PPFIA2: variants seen among roughly 807,000 people sequenced by gnomAD.
PPFIA2 encodes the protein liprin-alpha-2.
In PPFIA2, 46 loss-of-function variants were observed where a neutral mutation model predicts 175.5. The observed-to-expected ratio is 0.26, with a 90% CI of 0.21 to 0.34. The LOEUF is 0.34. PPFIA2 is among the 10% of genes least tolerant of loss of function. The pLI, the probability that PPFIA2 is intolerant of heterozygous loss-of-function variation, is 1.00. For synonymous variants in PPFIA2, 568 were observed against 511.4 expected, an observed-to-expected ratio of 1.11 and a Z score of -1.49; for missense variants, 1,179 against 1,506.1, an observed-to-expected ratio of 0.78 and a Z score of 3.60.
At chr12:81,609,364 C>T (rs145311430) in intron 4 of PPFIA2, among the ~76,000 whole-genome samples, 1 of 152,182 alleles carries the variant, frequency 6.6e-6, no homozygotes, top group East Asian at 1.9e-4. Flanking sequence ...CTAAGGCTGT[C>T]AGTGGGGCGT....
At chr12:81,571,502 C>CCAG (rs2072539501) in intron 4 of PPFIA2, among the ~76,000 whole-genome samples, 1 of 151,992 alleles carries the variant, frequency 6.6e-6, no homozygotes, top group African/African-American at 2.4e-5. Flanking sequence ...GGTTGAAATC[C>CCAG]CAGCTCTTCA....
chr12:81,340,179 T>C (rs558295275), intron 20 of PPFIA2, among the ~76,000 whole-genome samples: 5 of 151,854 alleles, frequency 3.3e-5, no homozygotes, highest in African/African-American at 1.2e-4. Flanking sequence ...TTTTGGAGAG[T>C]GAAAGAAGTA....
intron 7 of PPFIA2, among the ~76,000 whole-genome samples, chr12:81,406,381 G>C (rs919416817): frequency 1.3e-5 from 2 of 152,014 alleles, no homozygotes; most frequent in Non-Finnish European, 2.9e-5. Context: ...AATATAAGCA[G>C]ACACACAGCT....
intron 4 of PPFIA2, among the ~76,000 whole-genome samples, chr12:81,663,760 G>A (rs540707244): frequency 1.3e-4 from 20 of 152,166 alleles, no homozygotes; most frequent in African/African-American, 4.6e-4. Flanking sequence ...AACAAAGCTG[G>A]AGGCATCACA....
chr12:81,522,085 G>A (rs2063225698), intron 4 of PPFIA2, among the ~76,000 whole-genome samples: 1 of 152,034 alleles, frequency 6.6e-6, no homozygotes, highest in Non-Finnish European at 1.5e-5. Context: ...CTTTTTGAAA[G>A]TATTAAATCT....
chr12:81,407,481 T>TTAAAATAAAATAAAATAAAATAAAA (rs10645878), intron 7 of PPFIA2, among the ~76,000 whole-genome samples: 38 of 130,804 alleles, frequency 2.9e-4, no homozygotes, highest in African/African-American at 1.1e-3. Flanking sequence ...AGACTCTGTC[T>TTAAAATAAAATAAAATAAAATAAAA]TAAAATAAAA....
In PPFIA2 at chr12:81,457,835, G is replaced by T. The variant is rs750703254; in HGVS notation, c.335C>A (p.Ala112Asp). 6.2e-7 allele frequency: 1 copy of T among 1,607,702 alleles called. No individual in the cohort carries two copies. Among genetic ancestry groups the T allele is most frequent in the South Asian group, 1.1e-5 (1 of 89,580 alleles). The change falls in exon 5 of 33, where the codon GCC (alanine) becomes GAC (aspartate). Residue 112 changes from alanine (A) to aspartate (D), a missense_variant. By Grantham distance (126) the Ala-to-Asp change is moderately radical. Coordinates refer to ENST00000549396, the MANE Select transcript of PPFIA2 (RefSeq NM_003625.5). ...CTTTTCTAGAAGTTGTTCCCTGCAG[G>T]CATTTAATTCTTTTGTCAGTGCAGC... ...EFAALTKELN[A>D]CREQLLEKEE... is the part of the protein sequence containing the mutation.
intron 18 of PPFIA2, among the ~76,000 whole-genome samples, chr12:81,346,390 G>A (rs559434486): frequency 6.6e-6 from 1 of 151,454 alleles, no homozygotes; most frequent in South Asian, 2.1e-4. Context: ...CTCCAGTTTT[G>A]CCACGAGAAT....
At chr12:81,487,013 T>C (rs1411594489) in intron 4 of PPFIA2, among the ~76,000 whole-genome samples, 1 of 151,966 alleles carries the variant, frequency 6.6e-6, no homozygotes, top group Non-Finnish European at 1.5e-5. Flanking sequence ...GTTTACTCAA[T>C]GCATATTTAC....
At chr12:81,734,189 G>C (rs1005801348) in intron 3 of PPFIA2, among the ~76,000 whole-genome samples, 1 of 151,768 alleles carries the variant, frequency 6.6e-6, no homozygotes, top group East Asian at 1.9e-4. Flanking sequence ...GTTGGAGTTT[G>C]TCTCTAACCC....
chr12:81,615,878 A>G (rs1206383229), intron 4 of PPFIA2, among the ~76,000 whole-genome samples: 2 of 152,154 alleles, frequency 1.3e-5, no homozygotes, highest in African/African-American at 4.8e-5. Context: ...AGAGGATGAA[A>G]AACTGATGAT....
intron 4 of PPFIA2, among the ~76,000 whole-genome samples, chr12:81,483,023 A>C (rs924739016): frequency 6.6e-6 from 1 of 152,182 alleles, no homozygotes; most frequent in African/African-American, 2.4e-5. Context: ...GTGTTTTATA[A>C]ATGTGAGATA....
At chr12:81,362,227 G>A (rs1167911820) in intron 15 of PPFIA2, among the ~76,000 whole-genome samples, 1 of 148,146 alleles carries the variant, frequency 6.8e-6, no homozygotes, top group Non-Finnish European at 1.5e-5. Flanking sequence ...ATAGGTAGAT[G>A]CTAAGTGACC....
chr12:81,517,488 G>A (rs1334007347), intron 4 of PPFIA2, among the ~76,000 whole-genome samples: 1 of 152,142 alleles, frequency 6.6e-6, no homozygotes, highest in African/African-American at 2.4e-5. Context: ...GAGGTGCCGA[G>A]ACCTCGGCTA....
intron 28 of PPFIA2, among the ~76,000 whole-genome samples, chr12:81,273,232 GTCTTA>G (rs2039617132): frequency 6.6e-6 from 1 of 152,064 alleles, no homozygotes; most frequent in Admixed American, 6.6e-5. Context: ...TAAATGGTCA[GTCTTA>G]CTTATTTTAT....
chr12:81,673,661 CA>C (rs2071874069), intron 4 of PPFIA2, among the ~76,000 whole-genome samples: 1 of 151,838 alleles, frequency 6.6e-6, no homozygotes, highest in Non-Finnish European at 1.5e-5. Context: ...ATATAATTTT[CA>C]AAGACAGCTT....
chr12:81,370,184 C>T (rs1308551686), intron 11 of PPFIA2, among the ~76,000 whole-genome samples: 2 of 151,676 alleles, frequency 1.3e-5, no homozygotes, highest in African/African-American at 4.8e-5. Flanking sequence ...TAATTTGGAA[C>T]AAAATTTATT....
chr12:81,333,424 G>C (rs1338498069), intron 21 of PPFIA2, among the ~76,000 whole-genome samples: 2 of 152,026 alleles, frequency 1.3e-5, no homozygotes, highest in African/African-American at 4.8e-5. Flanking sequence ...TCCTCTACAG[G>C]TGCCTAATTT....
chr12:81,561,509 TC>T (rs201272507), intron 4 of PPFIA2, among the ~76,000 whole-genome samples: 6 of 148,026 alleles, frequency 4.1e-5, no homozygotes, highest in South Asian at 2.2e-4. Context: ...CAGGAGGGAG[TC>T]CCCCCCCAAA....
Sources: gnomAD v4.1 joint callset for allele counts (sites outside exome capture counted in the v4.1 genomes callset) on GRCh38, gnomAD v4.1.1 for gene constraint, MANE v1.5 for transcripts, NCBI Gene and HGNC (gene_info 2026-07-23, HGNC 2026-07-21) for gene names.